The following SLAIN1 variants were observed in gnomAD, a reference collection of about 807,000 sequenced individuals.
The protein encoded by SLAIN1 is SLAIN motif-containing protein 1.
Under a neutral mutation model 55.4 loss-of-function variants are expected in SLAIN1, and 17 were observed. The ratio of observed to expected loss-of-function variants is 0.31; its 90% CI spans 0.21 to 0.46. SLAIN1 has a LOEUF of 0.46. Ranked by LOEUF, SLAIN1 falls within the 20% of genes least tolerant of loss-of-function variation. The probability of loss-of-function intolerance (pLI) is 1.00; values close to 1 mark genes in which losing one functional copy is unlikely to be tolerated. For synonymous variants in SLAIN1, 348 were observed against 337.4 expected (o/e 1.03, Z -0.35); for missense variants, 682 against 785.1 (o/e 0.87, Z 1.57).
In SLAIN1 at chr13:77,698,482, T is replaced by C; in HGVS notation, c.569T>C (p.Val190Ala). The change falls in exon 1 of 7, where the codon GTG (valine) becomes GCG (alanine). Residue 190 changes from valine (V) to alanine (A), a missense_variant. By Grantham distance (64) the Val-to-Ala change is moderately conservative. Coordinates refer to ENST00000418532, the MANE Select transcript of SLAIN1 (RefSeq NM_001242868.2). This position sits in a 1 kb window ranked among gnomAD's most constrained non-coding sequence, Gnocchi z 4.1. ...PSPPPTLLDE[V>A]ELLDLESVAA... Reference sequence around the variant, plus strand: ...CCGCCCCCCACGCTGCTGGACGAGGTGGAATTGCTGGATCTGGAGAGCGTA... The same window carrying C: ...CCGCCCCCCACGCTGCTGGACGAGGCGGAATTGCTGGATCTGGAGAGCGTA... The C allele has an allele frequency of 6.9e-7, 1 of 1,454,930 alleles. No homozygotes were observed. Among genetic ancestry groups the C allele is most frequent in the Non-Finnish European group, 9.0e-7 (1 of 1,109,196 alleles). 90.1% of individuals were successfully genotyped at this position (1,454,930 alleles called of 1,614,324 possible).
At chr13:77,703,430 C>T (rs1443830086) in intron 1 of SLAIN1, among the ~76,000 whole-genome samples, 1 of 152,060 alleles carries the variant, frequency 6.6e-6, no homozygotes, top group African/African-American at 2.4e-5. Context: ...AGTGAAAAGA[C>T]CAGAGGGTGC....
At chr13:77,717,295 T>C (rs529872701) in intron 1 of SLAIN1, among the ~76,000 whole-genome samples, 1 of 152,220 alleles carries the variant, frequency 6.6e-6, no homozygotes, top group Non-Finnish European at 1.5e-5. Context: ...TAATTTGTAA[T>C]GTCTGATTTT....
chr13:77,749,436 A>G (rs1047761253), intron 4 of SLAIN1, among the ~76,000 whole-genome samples: 1 of 152,146 alleles, frequency 6.6e-6, no homozygotes, highest in Non-Finnish European at 1.5e-5. Flanking sequence ...CCTTATTATC[A>G]TGAGGACCTC....
chr13:77,716,009 A>T (rs1258343346), intron 1 of SLAIN1, among the ~76,000 whole-genome samples: 2 of 152,126 alleles, frequency 1.3e-5, no homozygotes, highest in African/African-American at 4.8e-5. Context: ...AAGGACACAC[A>T]TACTTTTACC....
chr13:77,747,759 G>A (rs533813703), intron 4 of SLAIN1, among the ~76,000 whole-genome samples: 35 of 152,138 alleles, frequency 2.3e-4, no homozygotes, highest in Non-Finnish European at 4.6e-4. Context: ...CAGGGTAATG[G>A]GAAATTGATC....
rs142503713 is a variant in SLAIN1, at chr13:77,699,039, G to A, written c.626+500G>A. On this transcript the variant is annotated intron_variant, in intron 1 of 6. Coordinates refer to ENST00000418532, the MANE Select transcript of SLAIN1 (RefSeq NM_001242868.2). The stretch of plus-strand genomic sequence containing the variant: ...TGGCATCGGAAGCCGCGCAGTGATG[G>A]ATCTCTCTTTATAGAGAGGTTCGTT... 1.0e-3 allele frequency: 1,529 copies of A among 1,535,482 alleles called. 34 individuals carry two copies. The East Asian group carries it at 0.032, about 32-fold the overall frequency.
In SLAIN1 at chr13:77,699,446, T is replaced by C. The variant is rs555240907; in HGVS notation, c.626+907T>C. On this transcript the variant is annotated intron_variant, in intron 1 of 6. Transcript: ENST00000418532. ...TGTCTACTTTCCATGAATGAGTAAC[T>C]TTAGGGGGAGGCTTGCTGTAGTCCT... 3.9e-5 allele frequency among the ~76,000 whole-genome samples: 6 copies of C among 152,316 alleles called. No homozygotes were observed. The South Asian group carries it at 1.2e-3, about 32-fold the overall frequency.
At chr13:77,753,822 C>A (rs1027146120) in intron 5 of SLAIN1, among the ~76,000 whole-genome samples, 4 of 152,052 alleles carry the variant, frequency 2.6e-5, no homozygotes, top group African/African-American at 4.8e-5. Context: ...TGTTTTTCAC[C>A]TATGCATACT....
At chr13:77,743,769 G>A (rs1160363855) in intron 2 of SLAIN1, among the ~76,000 whole-genome samples, 1 of 151,962 alleles carries the variant, frequency 6.6e-6, no homozygotes, top group Non-Finnish European at 1.5e-5. Context: ...GCATATGTAT[G>A]TGTGCCTTTT....
chr13:77,708,318 T>C (rs1314879291), intron 1 of SLAIN1, among the ~76,000 whole-genome samples: 2 of 152,144 alleles, frequency 1.3e-5, no homozygotes, highest in African/African-American at 4.8e-5. Context: ...AGAGTCAAGC[T>C]GGTTGGAGGA....
At chr13:77,754,816 C>A (rs1026624921) in intron 5 of SLAIN1, among the ~76,000 whole-genome samples, 4 of 152,092 alleles carry the variant, frequency 2.6e-5, no homozygotes, top group African/African-American at 9.7e-5. Flanking sequence ...GGGCTTGGGC[C>A]ATCATTTATT....
intron 2 of SLAIN1, chr13:77,742,959 C>T: frequency 3.0e-6 from 3 of 986,430 alleles, no homozygotes; most frequent in Non-Finnish European, 3.8e-6. Flanking sequence ...CTCCTTCTGA[C>T]AAGTCAACAT....
chr13:77,736,828 G>T (rs1873145837), intron 2 of SLAIN1, among the ~76,000 whole-genome samples: 1 of 145,280 alleles, frequency 6.9e-6, no homozygotes. Flanking sequence ...ATGCATCTTT[G>T]AGCCTCTGGA....
At chr13:77,708,100 T>A (rs746506312) in intron 1 of SLAIN1, among the ~76,000 whole-genome samples, 1 of 152,216 alleles carries the variant, frequency 6.6e-6, no homozygotes, top group Non-Finnish European at 1.5e-5. Context: ...GAAATCTCCA[T>A]AAGTGAACAT....
chr13:77,756,358 A>C (rs1051146053), intron 5 of SLAIN1, among the ~76,000 whole-genome samples: 3 of 152,102 alleles, frequency 2.0e-5, no homozygotes, highest in African/African-American at 7.2e-5. Context: ...ATAGTCCTCC[A>C]TTGACTCAGG....
At chr13:77,716,202 T>C (rs1053402590) in intron 1 of SLAIN1, among the ~76,000 whole-genome samples, 1 of 152,056 alleles carries the variant, frequency 6.6e-6, no homozygotes, top group African/African-American at 2.4e-5. Context: ...AATTGTGTTT[T>C]ACTAAAAATC....
At chr13:77,744,587 C>T (rs1260819143) in intron 3 of SLAIN1, 155 bp downstream of exon 3, 2 of 1,122,656 alleles carry the variant, frequency 1.8e-6, no homozygotes, top group Admixed American at 2.1e-5. Flanking sequence ...TTATATGCTT[C>T]TCACACTATC....
chr13:77,743,142 C>T, intron 2 of SLAIN1: 1 of 1,302,452 alleles, frequency 7.7e-7, no homozygotes, highest in Non-Finnish European at 1.0e-6. Flanking sequence ...TCAAATAAAG[C>T]AATACTAACA....
At chr13:77,761,833 T>C (rs1875047491) in intron 6 of SLAIN1, among the ~76,000 whole-genome samples, 2 of 152,118 alleles carry the variant, frequency 1.3e-5, no homozygotes, top group African/African-American at 2.4e-5. Flanking sequence ...TGGAGTATCT[T>C]ATATTAAAAA....
Sources: allele counts gnomAD v4.1 joint callset (sites outside exome capture counted in the v4.1 genomes callset), GRCh38; gene constraint gnomAD v4.1.1; non-coding constraint Gnocchi (gnomAD v3.1); transcripts MANE v1.5; gene names NCBI Gene and HGNC (gene_info 2026-07-23, HGNC 2026-07-21).